DCC: variants seen among roughly 807,000 people sequenced by gnomAD.
DCC encodes the protein DCC netrin 1 receptor.
DCC carries 58 observed loss-of-function variants against 172.5 expected under a neutral mutation model. That is an observed-to-expected ratio of 0.34 (90% confidence interval 0.27 to 0.42). The LOEUF (loss-of-function observed/expected upper bound fraction) is 0.42. Among genes scored for constraint, DCC ranks in the 10% least tolerant of loss-of-function variants. The probability of loss-of-function intolerance (pLI) is 1.00; values close to 1 mark genes in which losing one functional copy is unlikely to be tolerated. For synonymous variants in DCC, 709 were observed against 644.5 expected, an observed-to-expected ratio of 1.10 and a Z score of -1.52; for missense variants, 1,740 against 1,791.0, an observed-to-expected ratio of 0.97 and a Z score of 0.51.
At chr18:53,250,480 A>G (rs2056415758) in intron 12 of DCC, among the ~76,000 whole-genome samples, 1 of 151,860 alleles carries the variant, frequency 6.6e-6, no homozygotes, top group Admixed American at 6.6e-5. Flanking sequence ...TACTATACCT[A>G]GGGTCCCTCT....
chr18:52,366,106 GA>G (rs1984838621), intron 1 of DCC, among the ~76,000 whole-genome samples: 1 of 151,916 alleles, frequency 6.6e-6, no homozygotes, highest in Non-Finnish European at 1.5e-5. Context: ...TGAAGGAGAA[GA>G]GAGAGATTTT....
intron 1 of DCC, among the ~76,000 whole-genome samples, chr18:52,713,273 C>T (rs1162741042): frequency 6.6e-6 from 1 of 152,202 alleles, no homozygotes; most frequent in Non-Finnish European, 1.5e-5. Flanking sequence ...TACATGGACT[C>T]ACAATGCAGA....
At chr18:52,560,384 T>G (rs2033008901) in intron 1 of DCC, among the ~76,000 whole-genome samples, 1 of 152,248 alleles carries the variant, frequency 6.6e-6, no homozygotes, top group Non-Finnish European at 1.5e-5. Context: ...AGTAAACCAT[T>G]CTTAGCTCAC....
chr18:53,157,526 C>T lies in DCC; in HGVS notation c.1418+14C>T. 6.2e-7 allele frequency: 1 copy of T among 1,613,584 alleles called. No individual in the cohort carries two copies. The highest frequency in any genetic ancestry group is 1.1e-5 in the South Asian group (1 of 91,078). On this transcript the variant is annotated intron_variant, in intron 8 of 28. Transcript: ENST00000442544. ...AGGTGACAACAGGTAGGTGATGCTA[C>T]CAATAAAATTCAGCTTAATCGGTCA...
chr18:52,437,713 A>G (rs1287469527), intron 1 of DCC, among the ~76,000 whole-genome samples: 1 of 152,198 alleles, frequency 6.6e-6, no homozygotes, highest in Non-Finnish European at 1.5e-5. Flanking sequence ...ATTGATTTAC[A>G]TGGTTTTTTA....
chr18:52,711,498 A>G (rs1377760920), intron 1 of DCC, among the ~76,000 whole-genome samples: 1 of 152,238 alleles, frequency 6.6e-6, no homozygotes, highest in Non-Finnish European at 1.5e-5. Flanking sequence ...TGAATTAATA[A>G]TGAATTCATT....
intron 1 of DCC, among the ~76,000 whole-genome samples, chr18:52,750,349 T>C (rs1320539730): frequency 7.2e-5 from 11 of 152,340 alleles, no homozygotes; most frequent in Non-Finnish European, 1.5e-4. Context: ...CAGGATGTAC[T>C]ATAATTGGGT....
At chr18:52,743,237 C>G (rs917082922) in intron 1 of DCC, among the ~76,000 whole-genome samples, 1 of 152,144 alleles carries the variant, frequency 6.6e-6, no homozygotes, top group South Asian at 2.1e-4. Context: ...TTTTAGTTGA[C>G]AGTTCTGCAT....
At chr18:52,975,207 A>T (rs2041097745) in intron 5 of DCC, among the ~76,000 whole-genome samples, 1 of 152,186 alleles carries the variant, frequency 6.6e-6, no homozygotes, top group African/African-American at 2.4e-5. Flanking sequence ...TCCAAGATCA[A>T]GGTGCTGGCA....
chr18:53,309,624 A>G (rs1490777296), intron 13 of DCC, among the ~76,000 whole-genome samples: 1 of 152,172 alleles, frequency 6.6e-6, no homozygotes, highest in Non-Finnish European at 1.5e-5. Flanking sequence ...TTCATCTAAA[A>G]TATGTGTGAC....
intron 2 of DCC, among the ~76,000 whole-genome samples, chr18:52,843,787 T>C: frequency 6.6e-6 from 1 of 152,178 alleles, no homozygotes; most frequent in East Asian, 1.9e-4. Context: ...TTAACCCAGT[T>C]GTCAGGAGCA....
At position 53,023,401 on chromosome 18, in the gene DCC, C is replaced by CAAAAAAAAAAAA. The variant is rs869070422; in HGVS notation, c.986-39887_986-39876dup. Among the ~76,000 whole-genome samples, 21 of 24,420 alleles carry CAAAAAAAAAAAA rather than the reference C, an allele frequency of 8.6e-4. 5 individuals are homozygous for CAAAAAAAAAAAA. The highest frequency in any genetic ancestry group is 3.5e-3 in the African/African-American group (18 of 5,192). 16.0% of individuals were successfully genotyped at this position (24,420 alleles called of 152,430 possible). A position where few individuals can be genotyped will look rare whatever the true frequency, so the allele number is the denominator to read the frequency against. ...GGACAAACACATATATAACTCAGAC[C>CAAAAAAAAAAAA]AAAAAAAAAAAAAAAAAAAAAAAAA... On this transcript the variant is annotated intron_variant, in intron 5 of 28. Coordinates refer to ENST00000442544, the MANE Select transcript of DCC (RefSeq NM_005215.4).
At position 52,551,393 on chromosome 18, in the gene DCC, A is replaced by G. The variant is rs896783896; in HGVS notation, c.92-200661A>G. On this transcript the variant is annotated intron_variant, in intron 1 of 28. Coordinates refer to ENST00000442544, the MANE Select transcript of DCC (RefSeq NM_005215.4). ...AAGCATTTAAGAAGAGGACACAGCA[A>G]ATGGAGAAAAATAAAGAAAACCTCA... Among the ~76,000 whole-genome samples, 3 of 152,040 alleles carry G rather than the reference A, an allele frequency of 2.0e-5. No individual in the cohort carries two copies. The East Asian group carries it at 5.8e-4, about 29-fold the overall frequency.
At chr18:53,401,868 G>A (rs1171487335) in intron 18 of DCC, among the ~76,000 whole-genome samples, 2 of 152,150 alleles carry the variant, frequency 1.3e-5, no homozygotes, top group Non-Finnish European at 2.9e-5. Context: ...CCAGTTTGCT[G>A]CCACCTTTAA....
chr18:53,233,744 G>A (rs1010407649), intron 12 of DCC, among the ~76,000 whole-genome samples: 14 of 152,246 alleles, frequency 9.2e-5, no homozygotes, highest in South Asian at 4.1e-4. Flanking sequence ...TTTTTATGTG[G>A]CATAGTTCAA....
intron 25 of DCC, among the ~76,000 whole-genome samples, chr18:53,482,169 A>G (rs1431161515): frequency 1.3e-5 from 2 of 152,144 alleles, no homozygotes; most frequent in Non-Finnish European, 2.9e-5. Context: ...AACTTACTTT[A>G]AGAATGATTA....
At chr18:52,735,613 G>A (rs79610234) in intron 1 of DCC, among the ~76,000 whole-genome samples, 5,546 of 138,436 alleles carry the variant, frequency 0.04, 134 homozygotes, top group Admixed American at 0.052. Flanking sequence ...GCAAATCACT[G>A]GTATAAGTCC....
intron 1 of DCC, among the ~76,000 whole-genome samples, chr18:52,467,448 TG>T (rs1988818856): frequency 6.6e-6 from 1 of 152,232 alleles, no homozygotes; most frequent in Admixed American, 6.5e-5. Flanking sequence ...AGTCTATCAT[TG>T]ATGGACATTT....
At chr18:53,491,932 T>C (rs964697061) in intron 26 of DCC, among the ~76,000 whole-genome samples, 4 of 152,236 alleles carry the variant, frequency 2.6e-5, no homozygotes, top group Non-Finnish European at 2.9e-5. Context: ...CAACCAACAG[T>C]GTAAAAGCCT....
Sources: gnomAD v4.1 joint callset for allele counts (sites outside exome capture counted in the v4.1 genomes callset) on GRCh38, gnomAD v4.1.1 for gene constraint, MANE v1.5 for transcripts, NCBI Gene and HGNC (gene_info 2026-07-23, HGNC 2026-07-21) for gene names.